Variants in BPTF observed in about 807,000 individuals in gnomAD.
BPTF encodes bromodomain PHD finger transcription factor.
BPTF carries 18 observed loss-of-function variants against 292.5 expected under a neutral mutation model. The observed-to-expected ratio is 0.06, with a 90% CI of 0.04 to 0.09. BPTF has a LOEUF of 0.09. Ranked by LOEUF, BPTF falls within the 10% of genes least tolerant of loss-of-function variation. The probability of loss-of-function intolerance (pLI) is 1.00; values close to 1 mark genes in which losing one functional copy is unlikely to be tolerated. For synonymous variants in BPTF, 1,225 were observed against 1,251.9 expected (o/e 0.98, Z 0.45); for missense variants, 2,726 against 3,498.7 (o/e 0.78, Z 5.57).
At chr17:67,831,070 G>A (rs2056624438) in intron 1 of BPTF, among the ~76,000 whole-genome samples, 1 of 152,292 alleles carries the variant, frequency 6.6e-6, no homozygotes, top group South Asian at 2.1e-4. Context: ...GGAAGATCTT[G>A]AAAGAGTGGG....
At chr17:67,864,701 G>A (rs2059292824) in intron 2 of BPTF, among the ~76,000 whole-genome samples, 2 of 152,036 alleles carry the variant, frequency 1.3e-5, no homozygotes, top group Admixed American at 6.6e-5. Flanking sequence ...CAGTGAATAC[G>A]GTATAGGTTG....
In BPTF at chr17:67,925,051, GTTTT is replaced by G. The variant is rs59056539; in HGVS notation, c.5751+481_5751+484del. 1.3e-3 allele frequency among the ~76,000 whole-genome samples: 159 copies of G among 126,124 alleles called. 1 individual carries two copies. Among genetic ancestry groups the G allele is most frequent in the African/African-American group, 4.2e-3 (143 of 33,858 alleles). 82.7% of individuals were successfully genotyped at this position (126,124 alleles called of 152,430 possible). A position where few individuals can be genotyped will look rare whatever the true frequency, so the allele number is the denominator to read the frequency against. On this transcript the variant is annotated intron_variant, in intron 15 of 27. Transcript: ENST00000306378. ...GGTGTGAGCCATTGCACCCATCCAG[GTTTT>G]TTTTTTTTTTTTTTTTTTAAGTGTA... is the stretch of plus-strand genomic sequence containing the variant.
Position 67,946,338 on chromosome 17 carries a change from A to T in BPTF, c.7617+13A>T, listed in dbSNP as rs781914376. The stretch of plus-strand genomic sequence containing the variant: ...CATTCAGAAACAGGTAAAGTTATTA[A>T]GTAAAAGCAGCATGTTCAGTAGCTT... On this transcript the variant is annotated intron_variant, in intron 21 of 27. Coordinates refer to ENST00000306378, the MANE Select transcript of BPTF (RefSeq NM_182641.4). 6.2e-7 allele frequency: 1 copy of T among 1,611,102 alleles called. No homozygotes were observed. Among genetic ancestry groups the T allele is most frequent in the Non-Finnish European group, 8.5e-7 (1 of 1,178,490 alleles).
At chr17:67,876,164 A>G (rs1183764782) in intron 4 of BPTF, among the ~76,000 whole-genome samples, 1 of 152,214 alleles carries the variant, frequency 6.6e-6, no homozygotes, top group African/African-American at 2.4e-5. Context: ...AAACCGTAGT[A>G]TTATGGTAGA....
At chr17:67,842,959 A>G (rs1394102362) in intron 1 of BPTF, among the ~76,000 whole-genome samples, 1 of 151,852 alleles carries the variant, frequency 6.6e-6, no homozygotes, top group Non-Finnish European at 1.5e-5. Context: ...AAAGAGCAAC[A>G]GAAATGGTAT....
At chr17:67,872,532 C>G (rs896420408) in intron 3 of BPTF, among the ~76,000 whole-genome samples, 2 of 151,938 alleles carry the variant, frequency 1.3e-5, no homozygotes, top group Non-Finnish European at 2.9e-5. Flanking sequence ...ATAGTGAAAC[C>G]CCATCTTTAC....
chr17:67,830,207 A>G (rs2056539250), intron 1 of BPTF, among the ~76,000 whole-genome samples: 1 of 152,248 alleles, frequency 6.6e-6, no homozygotes, highest in Non-Finnish European at 1.5e-5. Context: ...AAGAAATTAT[A>G]TTTAAAACAG....
Position 67,983,383 on chromosome 17 carries a change from G to A in BPTF, c.*1095G>A, listed in dbSNP as rs2070618276. The A allele has an allele frequency of 1.3e-5, 2 of 152,596 alleles. No individual in the cohort carries two copies. Among genetic ancestry groups the A allele is most frequent in the Admixed American group, 1.3e-4 (2 of 15,262 alleles). 9.5% of individuals were successfully genotyped at this position (152,596 alleles called of 1,614,324 possible). A position where few individuals can be genotyped will look rare whatever the true frequency, so the allele number is the denominator to read the frequency against. ...ATCATACTAACGAGAACGGTAATGCGACAAGATACACATTGCCTTCATCTG... is the reference window on the plus strand; with the variant it reads ...ATCATACTAACGAGAACGGTAATGCAACAAGATACACATTGCCTTCATCTG... On this transcript the variant is annotated 3_prime_UTR_variant, in exon 28 of 28. Transcript: ENST00000306378.
intron 1 of BPTF, among the ~76,000 whole-genome samples, chr17:67,835,663 A>ATTTT (rs142633440): frequency 1.4e-5 from 2 of 141,206 alleles, no homozygotes; most frequent in African/African-American, 5.3e-5. Flanking sequence ...AGTCCTGGTA[A>ATTTT]TTTTTTTTTT....
At chr17:67,831,207 A>C (rs550792130) in intron 1 of BPTF, among the ~76,000 whole-genome samples, 12 of 152,170 alleles carry the variant, frequency 7.9e-5, no homozygotes, top group Non-Finnish European at 1.8e-4. Context: ...GGCACTTTAG[A>C]GTTCTTCAGG....
rs370032796 is a variant in BPTF at position 67,982,482 on chromosome 17, C to T, written c.*194C>T. ...ACGGACAAGAAAAAAGCAAAGTCAA[C>T]GACACCATTATCTTGTCAAGATCAG... On this transcript the variant is annotated 3_prime_UTR_variant, in exon 28 of 28. Transcript: ENST00000306378. The T allele has an allele frequency of 4.3e-5, 20 of 466,294 alleles. No homozygotes were observed. Among genetic ancestry groups the T allele is most frequent in the East Asian group, 2.3e-4 (7 of 30,028 alleles). 28.9% of individuals were successfully genotyped at this position (466,294 alleles called of 1,614,324 possible).
intron 22 of BPTF, 57 bp downstream of exon 22, chr17:67,947,865 G>A (rs376881244): frequency 5.6e-5 from 83 of 1,476,030 alleles, no homozygotes; most frequent in South Asian, 5.0e-4. Context: ...TCGTGCACAC[G>A]CACAGAGTTC....
At chr17:67,828,312 A>T (rs28601724) in intron 1 of BPTF, among the ~76,000 whole-genome samples, 15,244 of 152,132 alleles carry the variant, frequency 0.1, 2,619 homozygotes, top group African/African-American at 0.35. Context: ...TAATTGAAAC[A>T]CGGAGACTGA....
intron 27 of BPTF, 26 bp downstream of exon 27, chr17:67,975,984 A>T (rs2148607238): frequency 6.4e-7 from 1 of 1,570,924 alleles, no homozygotes; most frequent in East Asian, 2.2e-5. Flanking sequence ...CGGTATTCTG[A>T]ATTAATTCAA....
intron 23 of BPTF, chr17:67,955,504 A>G (rs1438320803): frequency 6.6e-6 from 1 of 151,660 alleles, no homozygotes; most frequent in Non-Finnish European, 1.5e-5. Flanking sequence ...AGACATCTAC[A>G]TGAAGTCTCT....
intron 1 of BPTF, among the ~76,000 whole-genome samples, chr17:67,843,291 G>T (rs1390893472): frequency 6.7e-6 from 1 of 149,782 alleles, no homozygotes; most frequent in African/African-American, 2.4e-5. Flanking sequence ...TGTAGACATA[G>T]ATACATATAG....
intron 1 of BPTF, among the ~76,000 whole-genome samples, chr17:67,826,579 CT>C (rs1477221862): frequency 1.3e-4 from 7 of 52,718 alleles, no homozygotes; most frequent in East Asian, 7.3e-4. Context: ...CTCGCTCTCT[CT>C]CCCCCCCCCA....
rs900271987 is a variant in BPTF at position 67,911,665 on chromosome 17, A to G, written c.3781A>G (p.Thr1261Ala). Residue 1261 changes from threonine to alanine, a missense_variant, in exon 11 of 28, where the codon ACC becomes GCC. By Grantham distance (58) the Thr-to-Ala change is moderately conservative. Coordinates refer to ENST00000306378, the MANE Select transcript of BPTF (RefSeq NM_182641.4). ...TTTACATTCATCAGTGCCTAAAAGT[A>G]CCAATGACAGAGATGCCACACCTCT... Reference protein sequence around the residue: ...SALHSSVPKSTNDRDATPLSR... With the variant: ...SALHSSVPKSANDRDATPLSR... 2 of 1,614,094 alleles carry G rather than the reference A, an allele frequency of 1.2e-6. No individual in the cohort carries two copies. Among genetic ancestry groups the G allele is most frequent in the South Asian group, 1.1e-5 (1 of 91,080 alleles).
chr17:67,879,885 C>T (rs1160168041), intron 4 of BPTF, among the ~76,000 whole-genome samples: 6 of 152,126 alleles, frequency 3.9e-5, no homozygotes, highest in Admixed American at 2.0e-4. Context: ...TTGAGGGATC[C>T]GTCCCCAGAA....
Sources: gnomAD v4.1 joint callset for allele counts (sites outside exome capture counted in the v4.1 genomes callset) on GRCh38, gnomAD v4.1.1 for gene constraint, MANE v1.5 for transcripts, NCBI Gene and HGNC (gene_info 2026-07-23, HGNC 2026-07-21) for gene names.